The following LRP1 variants were observed in gnomAD, a reference collection of about 807,000 sequenced individuals.
LRP1 encodes prolow-density lipoprotein receptor-related protein 1.
A neutral mutation model predicts 541.5 loss-of-function variants in LRP1; 51 were observed. The ratio of observed to expected loss-of-function variants is 0.09; its 90% CI spans 0.08 to 0.12. The LOEUF (loss-of-function observed/expected upper bound fraction) is 0.12. LRP1 is among the 10% of genes least tolerant of loss of function. The pLI, the probability that LRP1 is intolerant of heterozygous loss-of-function variation, is 1.00. For missense variants in LRP1, 3,878 were observed against 6,376.2 expected, an observed-to-expected ratio of 0.61 and a Z score of 13.34; for synonymous variants, 2,219 against 2,470.8, an observed-to-expected ratio of 0.90 and a Z score of 3.02.
rs969514179 is a variant in LRP1 at position 57,201,220 on chromosome 12, C to A, written c.10345+67C>A. The A allele has an allele frequency of 6.2e-7, 1 of 1,602,342 alleles. No individual in the cohort carries two copies. Among genetic ancestry groups the A allele is most frequent in the African/African-American group, 1.3e-5 (1 of 74,880 alleles). ...CACGGAAGCAGGGCAGGCAGAATCTCCCCACAGCTTTGAGAGGCTCTCAAA... is the reference window on the plus strand; with the variant it reads ...CACGGAAGCAGGGCAGGCAGAATCTACCCACAGCTTTGAGAGGCTCTCAAA... On this transcript the variant is annotated intron_variant, in intron 65 of 88. Transcript: ENST00000243077. The surrounding 1 kb of genome is among the most constrained non-coding windows in gnomAD (Gnocchi z 6.4).
chr12:57,147,484 A>AAGAAGAAAGGCTGC (rs1338038240), intron 6 of LRP1: 1 of 152,196 alleles, frequency 6.6e-6, no homozygotes, highest in Non-Finnish European at 1.5e-5. Context: ...AAGGAGGACG[A>AAGAAGAAAGGCTGC]AGAAGAAAGG....
In LRP1 at chr12:57,136,748, C is replaced by T. The variant is rs141529375; in HGVS notation, c.68-1711C>T. Reference sequence around the variant, plus strand: ...AGGACTGGTGTGGATTTCACTGGTTCAGAGCTTGGAGTCAGCTTAGCTGGT... The same window carrying T: ...AGGACTGGTGTGGATTTCACTGGTTTAGAGCTTGGAGTCAGCTTAGCTGGT... On this transcript the variant is annotated intron_variant, in intron 1 of 88. Transcript: ENST00000243077. 3.2e-3 allele frequency among the ~76,000 whole-genome samples: 494 copies of T among 152,236 alleles called. 1 individual carries two copies. Among genetic ancestry groups the T allele is most frequent in the Middle Eastern group, 0.024 (7 of 294 alleles).
intron 20 of LRP1, among the ~76,000 whole-genome samples, chr12:57,170,311 G>A (rs1343216187): frequency 1.3e-5 from 2 of 152,156 alleles, no homozygotes; most frequent in African/African-American, 2.4e-5. Context: ...AGGTATTATG[G>A]GATAGGACTA....
At position 57,211,283 on chromosome 12, in the gene LRP1, A is replaced by T. The variant is rs1473079201; in HGVS notation, c.13024A>T (p.Asn4342Tyr). The change falls in exon 84 of 89, where the codon AAC becomes TAC. Residue 4342 changes from asparagine to tyrosine, a missense_variant. Coordinates refer to ENST00000243077, the MANE Select transcript of LRP1 (RefSeq NM_002332.3). The surrounding 1 kb of genome is among the most constrained non-coding windows in gnomAD (Gnocchi z 4.3). The stretch of plus-strand genomic sequence containing the variant: ...CTTTGAGGGATCGAGGTGTGAGGTG[A>T]ACAAGTGCAGCCGCTGTCTCGAAGG... ...AYFEGSRCEV[N>Y]KCSRCLEGAC... The T allele has an allele frequency of 6.2e-7, 1 of 1,614,084 alleles. No homozygotes were observed. The highest frequency in any genetic ancestry group is 8.5e-7 in the Non-Finnish European group (1 of 1,180,028).
intron 6 of LRP1, chr12:57,149,562 C>G (rs1459907168): frequency 1.5e-6 from 1 of 688,918 alleles, no homozygotes; most frequent in Non-Finnish European, 2.6e-6. Flanking sequence ...AGGGAAGACC[C>G]TAAGATGGGC....
Position 57,158,062 on chromosome 12 carries a change from G to A in LRP1, c.1562-340G>A, listed in dbSNP as rs370202015. ...GGTTTACACTAGGATGGCAGCAGAG[G>A]AAGTGGTAAACAGTGATGTGACTCC... is the stretch of plus-strand genomic sequence containing the variant. On this transcript the variant is annotated intron_variant, in intron 10 of 88. Coordinates refer to ENST00000243077, the MANE Select transcript of LRP1 (RefSeq NM_002332.3). This position sits in a 1 kb window ranked among gnomAD's most constrained non-coding sequence, Gnocchi z 5.3. 4.6e-5 allele frequency among the ~76,000 whole-genome samples: 7 copies of A among 152,166 alleles called. No individual in the cohort carries two copies. Among genetic ancestry groups the A allele is most frequent in the Admixed American group, 1.3e-4 (2 of 15,290 alleles).
In LRP1 at chr12:57,179,983, G is replaced by A. The variant is rs369821593; in HGVS notation, c.5141+27G>A. ...TCAGTCTAGGGCCCAGGGCCGGGGA[G>A]CATGGGGTGTGGGGCTGGGAAGAAG... On this transcript the variant is annotated intron_variant, in intron 30 of 88. Transcript: ENST00000243077. This position sits in a 1 kb window ranked among gnomAD's most constrained non-coding sequence, Gnocchi z 6.8. 9.8e-5 allele frequency: 158 copies of A among 1,613,766 alleles called. No individual in the cohort carries two copies. Among genetic ancestry groups the A allele is most frequent in the Non-Finnish European group, 1.3e-4 (156 of 1,179,904 alleles).
intron 68 of LRP1, chr12:57,202,959 C>T: frequency 3.5e-6 from 2 of 576,960 alleles, no homozygotes; most frequent in East Asian, 2.8e-5. Context: ...GACCTGTGTC[C>T]TCTCTGGTGT....
Position 57,211,840 on chromosome 12 carries a change from A to C in LRP1, c.13258+26A>C, listed in dbSNP as rs2036925590. 4 of 1,612,938 alleles carry C rather than the reference A, an allele frequency of 2.5e-6. No homozygotes were observed. Among genetic ancestry groups the C allele is most frequent in the Non-Finnish European group, 3.4e-6 (4 of 1,179,974 alleles). ...GTAGGTGGCAGGGGTTGGGGCAGGC[A>C]GGGCCACCGGGACCTAGAGCAGGGG... On this transcript the variant is annotated intron_variant, in intron 86 of 88. Transcript: ENST00000243077. The surrounding 1 kb of genome is among the most constrained non-coding windows in gnomAD (Gnocchi z 4.3).
rs150065523 is a variant in LRP1 at position 57,209,761 on chromosome 12, G to A, written c.12332G>A (p.Arg4111His). 1,630 of 1,614,164 alleles carry A rather than the reference G, an allele frequency of 1.0e-3. 19 individuals carry two copies. In the African/African-American group the frequency reaches 0.019, roughly 19 times the overall value. ...YIYGVTYINN[R>H]VFKIHKFGHS... ...TATGGTGTCACCTACATCAATAATC[G>A]TGTCTTCAAGATCCATAAGTTTGGC... The change falls in exon 80 of 89, where the codon CGT (arginine) becomes CAT (histidine). Residue 4111 changes from arginine to histidine, a missense_variant. By Grantham distance (29) the Arg-to-His change is conservative. Around this residue, in one of 13 missense-constraint regions of LRP1, gnomAD observed 871 missense variants for 1,212.4 expected, o/e 0.72. Transcript: ENST00000243077.
Position 57,205,209 on chromosome 12 carries a change from T to C in LRP1, c.11295T>C (p.Asp3765=). 6.2e-7 allele frequency: 1 copy of C among 1,613,800 alleles called. No individual in the cohort carries two copies. The highest frequency in any genetic ancestry group is 2.2e-5 in the East Asian group (1 of 44,862). The change falls in exon 73 of 89, where the codon GAT becomes GAC. Residue 3765 remains aspartate, a synonymous_variant. Transcript: ENST00000243077. This position sits in a 1 kb window ranked among gnomAD's most constrained non-coding sequence, Gnocchi z 4.6. ...CCTCCCTGCGCTGCAACATGTTCGA[T>C]GACTGCGGGGACGGCTCTGACGAGG... ...LSSSLRCNMF[D]DCGDGSDEED...
chr12:57,200,141 A>C, intron 62 of LRP1, 116 bp downstream of exon 62: 1 of 868,674 alleles, frequency 1.2e-6, no homozygotes, highest in Non-Finnish European at 1.8e-6. Flanking sequence ...TTCCCACACT[A>C]ACACCCCCAC....
In LRP1 at chr12:57,154,329, A is replaced by G; in HGVS notation, c.963A>G (p.Glu321=). 1.2e-6 allele frequency: 2 copies of G among 1,614,010 alleles called. No individual in the cohort carries two copies. The highest frequency in any genetic ancestry group is 4.5e-5 in the East Asian group (2 of 44,870). ...CATGTGTCACATTGCTAGACCTGGA[A>G]CTCTACAACCCCAAGGGCATTGCCC... ...GDTCVTLLDL[E]LYNPKGIALD... The change falls in exon 7 of 89, where the codon GAA becomes GAG. Residue 321 remains glutamate, a synonymous_variant. Transcript: ENST00000243077. This position sits in a 1 kb window ranked among gnomAD's most constrained non-coding sequence, Gnocchi z 4.6.
intron 1 of LRP1, among the ~76,000 whole-genome samples, chr12:57,132,545 ATC>A (rs1388146143): frequency 1.3e-5 from 2 of 152,146 alleles, no homozygotes. Flanking sequence ...CTCTGGGTTC[ATC>A]CCAGGACAAC....
In LRP1 at chr12:57,192,891, G is replaced by A. The variant is rs1274562845; in HGVS notation, c.7476G>A (p.Leu2492=). ...CRINNGGCQD[L]CLLTHQGHVN... ...TCAACAACGGTGGCTGCCAGGACCT[G>A]TGTCTGCTCACTCACCAGGGCCATG... is the stretch of plus-strand genomic sequence containing the variant. Residue 2492 remains leucine, a synonymous_variant, in exon 45 of 89, where the codon CTG becomes CTA. Transcript: ENST00000243077. 1.2e-6 allele frequency: 2 copies of A among 1,614,010 alleles called. No individual in the cohort carries two copies. Among genetic ancestry groups the A allele is most frequent in the Admixed American group, 1.7e-5 (1 of 60,006 alleles).
rs1469956306 is a variant in LRP1 at position 57,158,685 on chromosome 12, G to A, written c.1798+47G>A. On this transcript the variant is annotated intron_variant, in intron 11 of 88. Coordinates refer to ENST00000243077, the MANE Select transcript of LRP1 (RefSeq NM_002332.3). The surrounding 1 kb of genome is among the most constrained non-coding windows in gnomAD (Gnocchi z 5.3). ...GCCCATGGGGATGGAAGGGGGCTGG[G>A]GCCCAGGCATCTGTTTCTCGGTGCC... The A allele has an allele frequency of 6.4e-7, 1 of 1,557,654 alleles. No individual in the cohort carries two copies. Among genetic ancestry groups the A allele is most frequent in the Non-Finnish European group, 8.8e-7 (1 of 1,131,592 alleles).
intron 6 of LRP1, among the ~76,000 whole-genome samples, chr12:57,147,981 G>A (rs974584237): frequency 6.6e-6 from 1 of 152,106 alleles, no homozygotes; most frequent in Admixed American, 6.6e-5. Flanking sequence ...TCTGCCGCTG[G>A]CCCAGTGGTT....
At position 57,179,570 on chromosome 12, in the gene LRP1, C is replaced by T; in HGVS notation, c.4966+14C>T. 6.2e-7 allele frequency: 1 copy of T among 1,610,324 alleles called. No individual in the cohort carries two copies. Among genetic ancestry groups the T allele is most frequent in the Non-Finnish European group, 8.5e-7 (1 of 1,177,216 alleles). On this transcript the variant is annotated intron_variant, in intron 29 of 88. Transcript: ENST00000243077. This position sits in a 1 kb window ranked among gnomAD's most constrained non-coding sequence, Gnocchi z 6.8. ...TCGTCTCTGCAGGTTCTTCCTGGCCCTGGATGCCCACCAGTGGACATGGGC... is the reference window on the plus strand; with the variant it reads ...TCGTCTCTGCAGGTTCTTCCTGGCCTTGGATGCCCACCAGTGGACATGGGC...
At chr12:57,180,221 C>G in intron 31 of LRP1, 80 bp downstream of exon 31, 3 of 1,573,800 alleles carry the variant, frequency 1.9e-6, no homozygotes, top group Non-Finnish European at 1.7e-6. Flanking sequence ...TTCAGTTGCC[C>G]CTCAGCCTCC....
Sources: allele counts gnomAD v4.1 joint callset (sites outside exome capture counted in the v4.1 genomes callset), GRCh38; gene constraint gnomAD v4.1.1; regional missense constraint gnomAD v4.1.1; non-coding constraint Gnocchi (gnomAD v3.1); transcripts MANE v1.5; gene names NCBI Gene and HGNC (gene_info 2026-07-23, HGNC 2026-07-21).